ATP6V1H: variants seen among roughly 807,000 people sequenced by gnomAD.
ATP6V1H encodes ATPase H+ transporting V1 subunit H.
In ATP6V1H, 39 loss-of-function variants were observed where a neutral mutation model predicts 71.7. The observed-to-expected ratio is 0.54, with a 90% CI of 0.42 to 0.71. The LOEUF (loss-of-function observed/expected upper bound fraction) is 0.71. Among genes scored for constraint, ATP6V1H ranks in the 30% least tolerant of loss-of-function variants. ATP6V1H has a pLI of 0.00. For synonymous variants in ATP6V1H, 192 were observed against 199.3 expected (o/e 0.96, Z 0.31); for missense variants, 509 against 594.9 (o/e 0.86, Z 1.50).
chr8:53,760,950 C>A (rs920513107), intron 11 of ATP6V1H, among the ~76,000 whole-genome samples: 9 of 152,104 alleles, frequency 5.9e-5, no homozygotes, highest in Non-Finnish European at 5.9e-5. Flanking sequence ...AAATATTTCA[C>A]GGAGTTTGGT....
intron 3 of ATP6V1H, among the ~76,000 whole-genome samples, chr8:53,831,200 C>T (rs1045175178): frequency 1.3e-5 from 2 of 152,194 alleles, no homozygotes; most frequent in African/African-American, 4.8e-5. Flanking sequence ...CATCATTAGG[C>T]AATTTCCTTG....
At chr8:53,787,527 A>C (rs1046034499) in intron 9 of ATP6V1H, among the ~76,000 whole-genome samples, 33 of 152,374 alleles carry the variant, frequency 2.2e-4, no homozygotes, top group African/African-American at 7.7e-4. Context: ...TGAAAAGAAC[A>C]ACTCAATTTG....
At chr8:53,828,347 C>G (rs894533849) in intron 4 of ATP6V1H, among the ~76,000 whole-genome samples, 10 of 152,094 alleles carry the variant, frequency 6.6e-5, no homozygotes, top group East Asian at 1.9e-4. Context: ...GACAAAGAAC[C>G]CTGTGGTGCT....
chr8:53,792,414 C>A (rs1226188012), intron 9 of ATP6V1H, among the ~76,000 whole-genome samples: 4 of 152,226 alleles, frequency 2.6e-5, no homozygotes, highest in Admixed American at 2.6e-4. Flanking sequence ...AGAATCCACA[C>A]TGAACACCAC....
At chr8:53,740,480 T>G (rs1413328157) in intron 13 of ATP6V1H, among the ~76,000 whole-genome samples, 3 of 152,192 alleles carry the variant, frequency 2.0e-5, no homozygotes, top group African/African-American at 7.2e-5. Context: ...TGCATTTTAA[T>G]TATGTTAAAA....
intron 13 of ATP6V1H, among the ~76,000 whole-genome samples, chr8:53,731,604 C>T (rs1807027207): frequency 6.6e-6 from 1 of 152,116 alleles, no homozygotes; most frequent in Non-Finnish European, 1.5e-5. Flanking sequence ...GAGCTGTAAG[C>T]CCTTAAAAGG....
At chr8:53,806,288 A>G (rs1184695813) in intron 7 of ATP6V1H, among the ~76,000 whole-genome samples, 2 of 152,110 alleles carry the variant, frequency 1.3e-5, no homozygotes, top group Non-Finnish European at 2.9e-5. Flanking sequence ...ACTGAAATCA[A>G]TTTCTACAAA....
At chr8:53,772,242 T>G in intron 9 of ATP6V1H, 75 bp from the exon 10 acceptor site, 1 of 1,162,884 alleles carries the variant, frequency 8.6e-7, no homozygotes, top group South Asian at 1.5e-5. Flanking sequence ...TGCACATTCT[T>G]TTATAGTCTC....
chr8:53,731,839 G>A (rs980332416), intron 13 of ATP6V1H, among the ~76,000 whole-genome samples: 1 of 152,268 alleles, frequency 6.6e-6, no homozygotes, highest in South Asian at 2.1e-4. Context: ...CCCTGGGGGG[G>A]ACTCCAGCCA....
At chr8:53,770,004 T>C (rs1808598733) in intron 10 of ATP6V1H, among the ~76,000 whole-genome samples, 3 of 152,166 alleles carry the variant, frequency 2.0e-5, no homozygotes, top group African/African-American at 7.2e-5. Flanking sequence ...GCACTTGCTT[T>C]CAAAATCCTT....
chr8:53,733,916 T>G (rs570357715), intron 13 of ATP6V1H, among the ~76,000 whole-genome samples: 1 of 152,078 alleles, frequency 6.6e-6, no homozygotes, highest in East Asian at 1.9e-4. Flanking sequence ...CAGTTGAGGT[T>G]TTGACCCAGA....
intron 3 of ATP6V1H, 119 bp from the exon 4 acceptor site, chr8:53,829,652 T>C: frequency 1.6e-6 from 1 of 615,086 alleles, no homozygotes; most frequent in African/African-American, 1.9e-5. Context: ...TAACAAATTT[T>C]ACTTACAGAA....
At chr8:53,821,079 AAGAG>A (rs905848989) in intron 4 of ATP6V1H, among the ~76,000 whole-genome samples, 3 of 135,708 alleles carry the variant, frequency 2.2e-5, no homozygotes, top group East Asian at 1.9e-4. Flanking sequence ...AAAAAAAAAA[AAGAG>A]AGAGAGGCCA....
At chr8:53,756,694 A>T in intron 11 of ATP6V1H, 38 bp from the exon 12 acceptor site, 1 of 1,435,602 alleles carries the variant, frequency 7.0e-7, no homozygotes, top group African/African-American at 1.4e-5. Context: ...TCAAGTTCTA[A>T]TTTTTCTATA....
At chr8:53,732,519 G>A (rs1807057758) in intron 13 of ATP6V1H, among the ~76,000 whole-genome samples, 1 of 151,956 alleles carries the variant, frequency 6.6e-6, no homozygotes, top group African/African-American at 2.4e-5. Flanking sequence ...CTACAGACAG[G>A]GAACAATTGG....
chr8:53,803,708 C>T (rs1045157725), intron 7 of ATP6V1H, among the ~76,000 whole-genome samples: 16 of 152,198 alleles, frequency 1.1e-4, no homozygotes, highest in African/African-American at 3.9e-4. Context: ...AAACTCGAAA[C>T]ATTAGCAAAA....
At chr8:53,771,164 C>T (rs1808637079) in intron 10 of ATP6V1H, among the ~76,000 whole-genome samples, 2 of 152,134 alleles carry the variant, frequency 1.3e-5, no homozygotes, top group Non-Finnish European at 2.9e-5. Flanking sequence ...AAAAGGAAAA[C>T]AGACTTGAAA....
chr8:53,739,179 A>G (rs1405266128), intron 13 of ATP6V1H, among the ~76,000 whole-genome samples: 1 of 152,200 alleles, frequency 6.6e-6, no homozygotes, highest in African/African-American at 2.4e-5. Flanking sequence ...TTAGTTCTGG[A>G]AAACGTTAAA....
chr8:53,734,405 C>A (rs1251770051), intron 13 of ATP6V1H, among the ~76,000 whole-genome samples: 1 of 152,158 alleles, frequency 6.6e-6, no homozygotes, highest in East Asian at 1.9e-4. Context: ...TGAGTGGTAA[C>A]CCTGGATACT....
Sources: allele counts gnomAD v4.1 joint callset (sites outside exome capture counted in the v4.1 genomes callset), GRCh38; gene constraint gnomAD v4.1.1; transcripts MANE v1.5; gene names NCBI Gene and HGNC (gene_info 2026-07-23, HGNC 2026-07-21).